Variants in TRIM67 observed in about 807,000 individuals in gnomAD.
The protein encoded by TRIM67 is tripartite motif-containing protein 67.
In TRIM67, 39 loss-of-function variants were observed where a neutral mutation model predicts 71.0. That is an observed-to-expected ratio of 0.55 (90% confidence interval 0.43 to 0.72). The LOEUF (loss-of-function observed/expected upper bound fraction) is 0.72, where lower values mean the gene tolerates loss of function less well. Among genes scored for constraint, TRIM67 ranks in the 30% least tolerant of loss-of-function variants. The probability of loss-of-function intolerance (pLI) is 0.00; values close to 1 mark genes in which losing one functional copy is unlikely to be tolerated. For missense variants in TRIM67, 973 were observed against 1,079.2 expected (o/e 0.90, Z 1.38); for synonymous variants, 481 against 473.9 (o/e 1.01, Z -0.19).
At chr1:231,179,845 G>A (rs1040460584) in intron 1 of TRIM67, among the ~76,000 whole-genome samples, 6 of 152,202 alleles carry the variant, frequency 3.9e-5, no homozygotes, top group Non-Finnish European at 8.8e-5. Context: ...TGGGGAGAAG[G>A]ACGGTTTAAG....
At chr1:231,188,182 A>C (rs1022643363) in intron 1 of TRIM67, among the ~76,000 whole-genome samples, 3 of 152,118 alleles carry the variant, frequency 2.0e-5, no homozygotes, top group Non-Finnish European at 2.9e-5. Context: ...TGCCTCCCCC[A>C]GACACCTTGC....
At position 231,213,972 on chromosome 1, in the gene TRIM67, G is replaced by A. The variant is rs1427483987; in HGVS notation, c.2281G>A (p.Val761Met). The stretch of plus-strand genomic sequence containing the variant: ...GCCAGCCCTCAGCCTCAACCGCAAC[G>A]TGCAGGTACACACCTCCCCAGGGCC... ...FMPALSLNRN[V>M]QVTLHTGLEV... Residue 761 changes from valine to methionine, a missense_variant, in exon 9 of 10, where the codon GTG (valine) becomes ATG (methionine). Transcript: ENST00000366653. 8.7e-6 allele frequency: 14 copies of A among 1,609,840 alleles called. No individual in the cohort carries two copies. Among genetic ancestry groups the A allele is most frequent in the African/African-American group, 1.3e-5 (1 of 74,868 alleles).
At chr1:231,164,135 AC>A in intron 1 of TRIM67, 122 bp downstream of exon 1, 1 of 1,206,126 alleles carries the variant, frequency 8.3e-7, no homozygotes, top group Non-Finnish European at 1.1e-6. Flanking sequence ...GAATTACCTC[AC>A]TCATTAGCCA....
rs1682625032 is a variant in TRIM67 at position 231,171,778 on chromosome 1, A to G, written c.1044+7765A>G. ...AGAAGAAGGGGTTTGCTAAACTTGT[A>G]CAGCAAGTTGTGAAATGATTTTGCA... On this transcript the variant is annotated intron_variant, in intron 1 of 9. Transcript: ENST00000366653. 3.3e-5 allele frequency among the ~76,000 whole-genome samples: 5 copies of G among 152,298 alleles called. No homozygotes were observed. In the South Asian group the frequency reaches 1.0e-3, roughly 32 times the overall value.
At chr1:231,201,605 CTGTGA>C in intron 5 of TRIM67, 88 bp downstream of exon 5, 1 of 1,452,264 alleles carries the variant, frequency 6.9e-7, no homozygotes, top group Non-Finnish European at 9.2e-7. Flanking sequence ...ATAGGGAGAC[CTGTGA>C]TGCACGGAGT....
chr1:231,198,012 C>T (rs1413963740), intron 2 of TRIM67, among the ~76,000 whole-genome samples: 2 of 152,252 alleles, frequency 1.3e-5, no homozygotes, highest in South Asian at 2.1e-4. Context: ...CAAGTGACAC[C>T]TGATACAGGA....
At chr1:231,201,600 G>C in intron 5 of TRIM67, 83 bp downstream of exon 5, 1 of 1,485,306 alleles carries the variant, frequency 6.7e-7, no homozygotes, top group Non-Finnish European at 9.0e-7. Context: ...GTGCCATAGG[G>C]AGACCTGTGA....
At chr1:231,167,813 C>G (rs768590883) in intron 1 of TRIM67, among the ~76,000 whole-genome samples, 8 of 152,062 alleles carry the variant, frequency 5.3e-5, no homozygotes, top group Non-Finnish European at 1.2e-4. Flanking sequence ...TGCTGTCTTA[C>G]CTTATTTTGT....
rs1425191618 is a variant in TRIM67, at chr1:231,216,535, A to G, written c.*1095A>G. On this transcript the variant is annotated 3_prime_UTR_variant, in exon 10 of 10. Coordinates refer to ENST00000366653, the MANE Select transcript of TRIM67 (RefSeq NM_001004342.5). ...GGGAGACCCTGGGAAAGCCTGTTCT[A>G]GTCAGTCCACCCTATTGTCATTATG... The G allele has an allele frequency of 6.2e-5, 61 of 985,384 alleles. No homozygotes were observed. Among genetic ancestry groups the G allele is most frequent in the Non-Finnish European group, 7.2e-5 (60 of 829,966 alleles). 61.0% of individuals were successfully genotyped at this position (985,384 alleles called of 1,614,324 possible). A position where few individuals can be genotyped will look rare whatever the true frequency, so the allele number is the denominator to read the frequency against.
intron 1 of TRIM67, among the ~76,000 whole-genome samples, chr1:231,186,616 C>T (rs1227107939): frequency 1.3e-5 from 2 of 152,170 alleles, no homozygotes; most frequent in African/African-American, 2.4e-5. Flanking sequence ...CAAATCTCCC[C>T]TCTTCATAAG....
At position 231,183,475 on chromosome 1, in the gene TRIM67, T is replaced by C. The variant is rs755139957; in HGVS notation, c.1045-13896T>C. ...ACAAAATATAAAAATTACTTGGGCA[T>C]GGTGGCACGTGCCCAACATCCTAGT... On this transcript the variant is annotated intron_variant, in intron 1 of 9. Transcript: ENST00000366653. Among the ~76,000 whole-genome samples the C allele has an allele frequency of 5.1e-4, 77 of 152,148 alleles. 2 individuals are homozygous for C. Among genetic ancestry groups the C allele is most frequent in the Admixed American group, 1.8e-3 (27 of 15,276 alleles).
chr1:231,166,967 G>A lies in TRIM67; in HGVS notation c.1044+2954G>A, dbSNP rs546103640. ...CTGTTTTTCCTGAAGCTGGAGAAAA[G>A]GGTTACTGTGTACCATAGCTCTTTC... is the stretch of plus-strand genomic sequence containing the variant. On this transcript the variant is annotated intron_variant, in intron 1 of 9. Transcript: ENST00000366653. Among the ~76,000 whole-genome samples, 5 of 152,190 alleles carry A rather than the reference G, an allele frequency of 3.3e-5. No individual in the cohort carries two copies. The South Asian group carries it at 8.3e-4, about 25-fold the overall frequency.
chr1:231,211,256 G>C (rs547882939), intron 8 of TRIM67, among the ~76,000 whole-genome samples: 1 of 152,100 alleles, frequency 6.6e-6, no homozygotes, highest in South Asian at 2.1e-4. Flanking sequence ...GGCCTTTGCT[G>C]TCTTTGACAG....
Position 231,216,425 on chromosome 1 carries a change from A to G in TRIM67, c.*985A>G, listed in dbSNP as rs2102768625. ...CGCCTGGTGATGGCTCCTTTCTGAA[A>G]CTGGCAGCCCAAGAAGTTAACTGAA... On this transcript the variant is annotated 3_prime_UTR_variant, in exon 10 of 10. Transcript: ENST00000366653. 2.0e-6 allele frequency: 2 copies of G among 985,414 alleles called. No individual in the cohort carries two copies. The highest frequency in any genetic ancestry group is 9.4e-5 in the South Asian group (2 of 21,286). 61.0% of individuals were successfully genotyped at this position (985,414 alleles called of 1,614,324 possible).
chr1:231,169,954 C>A (rs1682580234), intron 1 of TRIM67, among the ~76,000 whole-genome samples: 1 of 151,226 alleles, frequency 6.6e-6, no homozygotes. Context: ...AATTCAGGGA[C>A]CTTTATGTTA....
At chr1:231,187,508 AAAC>A (rs1313832388) in intron 1 of TRIM67, 4 of 1,517,254 alleles carry the variant, frequency 2.6e-6, no homozygotes, top group African/African-American at 2.8e-5. Flanking sequence ...TAAAAAAAAA[AAAC>A]AATACCTTAG....
rs913058635 is a variant in TRIM67 at position 231,185,713 on chromosome 1, C to T, written c.1045-11658C>T. On this transcript the variant is annotated intron_variant, in intron 1 of 9. Transcript: ENST00000366653. ...TACTAGGGACACAAAGATGATTGAACGGCTCACTCTGGAAGTCCTGATCTA... is the reference window on the plus strand; with the variant it reads ...TACTAGGGACACAAAGATGATTGAATGGCTCACTCTGGAAGTCCTGATCTA... Among the ~76,000 whole-genome samples, 8 of 151,990 alleles carry T rather than the reference C, an allele frequency of 5.3e-5. No homozygotes were observed. In the East Asian group the frequency reaches 5.8e-4, roughly 11 times the overall value.
chr1:231,207,033 A>T (rs1683722444), intron 7 of TRIM67, among the ~76,000 whole-genome samples: 1 of 152,128 alleles, frequency 6.6e-6, no homozygotes, highest in South Asian at 2.1e-4. Context: ...GCTGCTGAAG[A>T]TGGGGGAGGG....
intron 1 of TRIM67, among the ~76,000 whole-genome samples, chr1:231,188,407 G>A (rs537131337): frequency 1.3e-5 from 2 of 152,298 alleles, no homozygotes; most frequent in African/African-American, 2.4e-5. Context: ...TGGCAGACAG[G>A]CAACCCTGCC....
Sources: allele counts gnomAD v4.1 joint callset (sites outside exome capture counted in the v4.1 genomes callset), GRCh38; gene constraint gnomAD v4.1.1; transcripts MANE v1.5; gene names NCBI Gene and HGNC (gene_info 2026-07-23, HGNC 2026-07-21).